The following GSE1 variants were observed in gnomAD, a reference collection of about 807,000 sequenced individuals.
GSE1 encodes genetic suppressor element 1.
GSE1 carries 32 observed loss-of-function variants against 112.6 expected under a neutral mutation model. The observed-to-expected ratio is 0.28, with a 90% CI of 0.21 to 0.38. The LOEUF is 0.38. Among genes scored for constraint, GSE1 ranks in the 10% least tolerant of loss-of-function variants. The pLI is 1.00. For missense variants in GSE1, 2,348 were observed against 1,699.2 expected (o/e 1.38, Z -6.71); for synonymous variants, 1,115 against 735.6 (o/e 1.52, Z -8.35).
At chr16:85,578,928 C>G (rs529097577) in intron 1 of GSE1, among the ~76,000 whole-genome samples, 1 of 152,038 alleles carries the variant, frequency 6.6e-6, no homozygotes, top group Non-Finnish European at 1.5e-5. Context: ...TAAGCTCCCC[C>G]CAGCACAGCG....
intron 2 of GSE1, among the ~76,000 whole-genome samples, chr16:85,397,910 G>A (rs1055106899): frequency 4.0e-5 from 6 of 151,872 alleles, no homozygotes; most frequent in African/African-American, 1.5e-4. Context: ...CAGACCAGGG[G>A]CTGCCCCTTA....
intron 1 of GSE1, among the ~76,000 whole-genome samples, chr16:85,303,555 T>G (rs901890622): frequency 1.3e-5 from 2 of 152,322 alleles, no homozygotes; most frequent in East Asian, 3.9e-4. Context: ...TCCCGACAAC[T>G]GAGGGTGGCA....
chr16:85,256,551 A>T (rs1907102938), intron 1 of GSE1, among the ~76,000 whole-genome samples: 1 of 152,206 alleles, frequency 6.6e-6, no homozygotes, highest in Non-Finnish European at 1.5e-5. Flanking sequence ...CGAAGCTCCC[A>T]CTGGGCCTGA....
At chr16:85,262,345 G>A (rs1407361003) in intron 1 of GSE1, among the ~76,000 whole-genome samples, 7 of 152,184 alleles carry the variant, frequency 4.6e-5, no homozygotes, top group Non-Finnish European at 1.0e-4. Flanking sequence ...GGCAGAGGGC[G>A]ATTCTGGGAG....
chr16:85,433,047 C>A (rs183181400), intron 2 of GSE1, among the ~76,000 whole-genome samples: 80 of 151,684 alleles, frequency 5.3e-4, no homozygotes, highest in Admixed American at 1.4e-3. Flanking sequence ...GATGATAAGT[C>A]CCCCCCAGAG....
chr16:85,498,606 T>C (rs928371784), intron 2 of GSE1, among the ~76,000 whole-genome samples: 1 of 152,304 alleles, frequency 6.6e-6, no homozygotes, highest in South Asian at 2.1e-4. Flanking sequence ...TGTGTATATA[T>C]GTACATACCA....
rs113420805 is a variant in GSE1 at position 85,622,682 on chromosome 16, G to A, written c.7+9284G>A. Among the ~76,000 whole-genome samples the A allele has an allele frequency of 2.0e-3, 311 of 152,334 alleles. 2 individuals carry two copies. The highest frequency in any genetic ancestry group is 7.3e-3 in the African/African-American group (305 of 41,574). On this transcript the variant is annotated intron_variant, in intron 1 of 15. Transcript: ENST00000253458. ...ATGTAACTGTTTTATGACTTGAGGG[G>A]CAAGTCCTGACTTGGTGAGCTTGCT...
In GSE1 at chr16:85,311,628, T is replaced by C. The variant is rs2045851078; in HGVS notation, c.2284-45835T>C. Among the ~76,000 whole-genome samples, 1 of 152,132 alleles carries C rather than the reference T, an allele frequency of 6.6e-6. No individual in the cohort carries two copies. Among genetic ancestry groups the C allele is most frequent in the African/African-American group, 2.4e-5 (1 of 41,434 alleles). On this transcript the variant is annotated intron_variant, in intron 1 of 2. Coordinates refer to the GSE1 transcript ENST00000637419. The surrounding 1 kb of genome is among the most constrained non-coding windows in gnomAD (Gnocchi z 4.2). ...CTGCTTCGGTGCCCCTGGGGGTCCTTCTCCAGGGCCCCTTGGGCTGTGTAC... is the reference window on the plus strand; with the variant it reads ...CTGCTTCGGTGCCCCTGGGGGTCCTCCTCCAGGGCCCCTTGGGCTGTGTAC...
At chr16:85,273,933 G>A (rs542517345) in intron 1 of GSE1, among the ~76,000 whole-genome samples, 1 of 150,688 alleles carries the variant, frequency 6.6e-6, no homozygotes, top group Non-Finnish European at 1.5e-5. Flanking sequence ...CTGACCTCAG[G>A]TGATCCACCC....
exon 1 of GSE1, chr16:85,170,760 C>G (rs1041335386): frequency 1.6e-4 from 155 of 985,400 alleles, no homozygotes; most frequent in Non-Finnish European, 1.9e-4. Context: ...GGGCACAGCC[C>G]ATCAGCGAGG....
intron 1 of GSE1, among the ~76,000 whole-genome samples, chr16:85,229,159 G>GC (rs1219376350): frequency 5.3e-5 from 8 of 152,250 alleles, no homozygotes; most frequent in African/African-American, 1.4e-4. Context: ...CTAAGAGGAC[G>GC]CCCCCCTTTG....
At chr16:85,393,362 C>A (rs572857726) in intron 2 of GSE1, among the ~76,000 whole-genome samples, 3 of 152,314 alleles carry the variant, frequency 2.0e-5, no homozygotes, top group African/African-American at 7.2e-5. Context: ...GGGGCCACAC[C>A]CTCTCAGGGC....
intron 2 of GSE1, among the ~76,000 whole-genome samples, chr16:85,641,644 A>G (rs2050458484): frequency 6.6e-6 from 1 of 152,242 alleles, no homozygotes; most frequent in African/African-American, 2.4e-5. Flanking sequence ...AAGGTTTCCC[A>G]GCCTGTTCTT....
At chr16:85,421,660 G>A (rs1011169572) in intron 2 of GSE1, among the ~76,000 whole-genome samples, 34 of 152,244 alleles carry the variant, frequency 2.2e-4, no homozygotes, top group African/African-American at 6.7e-4. Context: ...ACCTGGGGGC[G>A]TCGGGGGTGC....
At chr16:85,434,293 A>C (rs995687660) in intron 2 of GSE1, among the ~76,000 whole-genome samples, 5 of 146,154 alleles carry the variant, frequency 3.4e-5, no homozygotes, top group Non-Finnish European at 7.5e-5. Flanking sequence ...CCTAGGAGTC[A>C]CTAGGATGGT....
chr16:85,497,867 C>A (rs2051232251), intron 2 of GSE1, among the ~76,000 whole-genome samples: 1 of 152,206 alleles, frequency 6.6e-6, no homozygotes, highest in African/African-American at 2.4e-5. Context: ...TCCCCACAGC[C>A]TCCCTGGGAG....
At chr16:85,323,771 C>T (rs1210420767) in intron 1 of GSE1, among the ~76,000 whole-genome samples, 2 of 152,188 alleles carry the variant, frequency 1.3e-5, no homozygotes, top group Non-Finnish European at 2.9e-5. Flanking sequence ...TCCACGCTCC[C>T]CCATTGCCAC....
At chr16:85,319,386 C>T (rs2046051940) in intron 1 of GSE1, among the ~76,000 whole-genome samples, 1 of 152,186 alleles carries the variant, frequency 6.6e-6, no homozygotes, top group South Asian at 2.1e-4. Flanking sequence ...GCTCTTCTAG[C>T]AGAGCAGGAG....
intron 2 of GSE1, among the ~76,000 whole-genome samples, chr16:85,383,072 T>G (rs888010243): frequency 8.5e-6 from 1 of 117,440 alleles, no homozygotes; most frequent in African/African-American, 4.8e-5. Flanking sequence ...CACACACACA[T>G]GTAATCACAG....
Sources: gnomAD v4.1 joint callset for allele counts (sites outside exome capture counted in the v4.1 genomes callset) on GRCh38, gnomAD v4.1.1 for gene constraint, Gnocchi (gnomAD v3.1) non-coding constraint, MANE v1.5 for transcripts, NCBI Gene and HGNC (gene_info 2026-07-23, HGNC 2026-07-21) for gene names.